Variants in TBC1D22A observed in about 807,000 individuals in gnomAD.
The protein encoded by TBC1D22A is TBC1 domain family member 22A, also known as putative GTPase activator.
TBC1D22A carries 38 observed loss-of-function variants against 60.2 expected under a neutral mutation model. The ratio of observed to expected loss-of-function variants is 0.63; its 90% CI spans 0.49 to 0.83. The LOEUF (loss-of-function observed/expected upper bound fraction) is 0.83. TBC1D22A is among the 40% of genes least tolerant of loss of function. The pLI, the probability that TBC1D22A is intolerant of heterozygous loss-of-function variation, is 0.00. For synonymous variants in TBC1D22A, 302 were observed against 281.7 expected (o/e 1.07, Z -0.72); for missense variants, 628 against 701.0 (o/e 0.90, Z 1.18).
At chr22:47,082,493 A>G (rs2064510945) in intron 11 of TBC1D22A, among the ~76,000 whole-genome samples, 1 of 152,248 alleles carries the variant, frequency 6.6e-6, no homozygotes, top group Non-Finnish European at 1.5e-5. Context: ...ACATCTGACA[A>G]AGTACCCATA....
At chr22:47,148,704 C>T (rs2067381115) in intron 12 of TBC1D22A, among the ~76,000 whole-genome samples, 1 of 150,186 alleles carries the variant, frequency 6.7e-6, no homozygotes, top group Non-Finnish European at 1.5e-5. Context: ...AGTTCCTCTC[C>T]TGGGGTCCCT....
At chr22:46,776,683 C>T (rs1020302310) in intron 1 of TBC1D22A, among the ~76,000 whole-genome samples, 1 of 151,752 alleles carries the variant, frequency 6.6e-6, no homozygotes, top group Non-Finnish European at 1.5e-5. Flanking sequence ...GAACCATGGC[C>T]GTGGGGAGGA....
intron 9 of TBC1D22A, among the ~76,000 whole-genome samples, chr22:46,994,239 C>T (rs8138968): frequency 1.3e-5 from 2 of 151,990 alleles, no homozygotes; most frequent in Non-Finnish European, 2.9e-5. Context: ...TTTCTGCTAA[C>T]TGAGAGCCTA....
At chr22:47,127,290 C>T (rs1222923967) in intron 12 of TBC1D22A, among the ~76,000 whole-genome samples, 3 of 147,010 alleles carry the variant, frequency 2.0e-5, no homozygotes, top group Non-Finnish European at 4.5e-5. Context: ...TGCAGTGACG[C>T]GATCTTGGCT....
intron 1 of TBC1D22A, among the ~76,000 whole-genome samples, chr22:46,781,196 G>GTGCTGGTGT: frequency 6.7e-6 from 1 of 150,056 alleles, no homozygotes; most frequent in Admixed American, 6.7e-5. Context: ...GCAGTTGCTG[G>GTGCTGGTGT]TGCTGGTGTT....
rs1030917905 is a variant in TBC1D22A, at chr22:47,170,900, G to A, written c.1426-2598G>A. On this transcript the variant is annotated intron_variant, in intron 12 of 12. Coordinates refer to ENST00000337137, the MANE Select transcript of TBC1D22A (RefSeq NM_014346.5). The stretch of plus-strand genomic sequence containing the variant: ...TGTGTAACCCTCCTGATGCAGGACC[G>A]GAGAGAGGGCAGTCCTGGTGTGTAA... Among the ~76,000 whole-genome samples the A allele has an allele frequency of 3.3e-5, 5 of 151,672 alleles. 1 individual carries two copies. The highest frequency in any genetic ancestry group is 6.6e-5 in the Admixed American group (1 of 15,258).
At chr22:46,827,472 C>G (rs771193766) in intron 4 of TBC1D22A, among the ~76,000 whole-genome samples, 1 of 152,242 alleles carries the variant, frequency 6.6e-6, no homozygotes, top group African/African-American at 2.4e-5. Context: ...CCCAGAGCCC[C>G]TTCGGAATCT....
intron 8 of TBC1D22A, among the ~76,000 whole-genome samples, chr22:46,961,322 C>T (rs1393228717): frequency 2.0e-5 from 3 of 152,184 alleles, no homozygotes; most frequent in Non-Finnish European, 4.4e-5. Flanking sequence ...TATTTGTCCT[C>T]AGATTCAATT....
chr22:46,910,367 G>C (rs1012683785), intron 7 of TBC1D22A, among the ~76,000 whole-genome samples: 2 of 152,164 alleles, frequency 1.3e-5, no homozygotes, highest in African/African-American at 2.4e-5. Context: ...TGGTGATTTT[G>C]GGGATGGAGC....
chr22:46,859,080 C>T (rs866567035), intron 4 of TBC1D22A, among the ~76,000 whole-genome samples: 5 of 133,086 alleles, frequency 3.8e-5, no homozygotes, highest in South Asian at 2.4e-4. Context: ...GATAGAGGTC[C>T]GCGCAGTGCT....
intron 10 of TBC1D22A, 73 bp from the exon 11 acceptor site, chr22:47,036,998 A>G (rs1603106142): frequency 6.3e-7 from 1 of 1,591,222 alleles, no homozygotes; most frequent in Admixed American, 1.7e-5. Context: ...CCCTTGGGGG[A>G]CAAGTGACCT....
At chr22:47,041,399 T>G (rs2062839385) in intron 11 of TBC1D22A, among the ~76,000 whole-genome samples, 1 of 152,164 alleles carries the variant, frequency 6.6e-6, no homozygotes, top group Non-Finnish European at 1.5e-5. Context: ...CACACCGCAC[T>G]CAGGGTGGAC....
intron 8 of TBC1D22A, among the ~76,000 whole-genome samples, chr22:46,966,399 C>T (rs529119675): frequency 2.6e-5 from 4 of 152,302 alleles, no homozygotes; most frequent in South Asian, 4.1e-4. Context: ...CACATGGGCA[C>T]GGCCTCTCTT....
At chr22:46,980,192 T>A (rs2074459167) in intron 9 of TBC1D22A, among the ~76,000 whole-genome samples, 1 of 152,186 alleles carries the variant, frequency 6.6e-6, no homozygotes, top group Non-Finnish European at 1.5e-5. Context: ...TATTTATATT[T>A]ATTTATTTGA....
rs8138551 is a variant in TBC1D22A at position 46,980,200 on chromosome 22, T to A, written c.1125+5801T>A. On this transcript the variant is annotated intron_variant, in intron 9 of 12. Transcript: ENST00000337137. ...ACAGATTTATTTATATTTATTTATT[T>A]GAGATGGAGTCTCGCTCTGTTGCAC... is the stretch of plus-strand genomic sequence containing the variant. Among the ~76,000 whole-genome samples, 338 of 152,346 alleles carry A rather than the reference T, an allele frequency of 2.2e-3. 1 individual carries two copies. The highest frequency in any genetic ancestry group is 3.9e-3 in the Non-Finnish European group (263 of 68,032).
intron 11 of TBC1D22A, among the ~76,000 whole-genome samples, chr22:47,088,513 A>G (rs748306440): frequency 2.6e-5 from 4 of 152,258 alleles, no homozygotes; most frequent in Non-Finnish European, 5.9e-5. Context: ...AGCCCTTACT[A>G]GTTCACCCGT....
In TBC1D22A at chr22:47,028,957, C is replaced by T. The variant is rs946160353; in HGVS notation, c.1202-8114C>T. ...AGAGCACCCTCACTTCAGACTCCAG[C>T]TGCACCTCAGTGGTCCCCAGGCCAC... On this transcript the variant is annotated intron_variant, in intron 10 of 12. Transcript: ENST00000337137. This position sits in a 1 kb window ranked among gnomAD's most constrained non-coding sequence, Gnocchi z 4.4. 1.3e-5 allele frequency among the ~76,000 whole-genome samples: 2 copies of T among 152,214 alleles called. No individual in the cohort carries two copies. Among genetic ancestry groups the T allele is most frequent in the African/African-American group, 4.8e-5 (2 of 41,460 alleles).
intron 11 of TBC1D22A, among the ~76,000 whole-genome samples, chr22:47,051,342 A>C (rs28438389): frequency 0.18 from 26,939 of 152,204 alleles, 3,712 homozygotes; most frequent in African/African-American, 0.39. Context: ...AATTTTAAAT[A>C]TTTGTAAGAT....
At chr22:47,063,470 G>A (rs912012075) in intron 11 of TBC1D22A, among the ~76,000 whole-genome samples, 13 of 152,198 alleles carry the variant, frequency 8.5e-5, no homozygotes, top group African/African-American at 3.1e-4. Context: ...CGGCGGGGGT[G>A]TGCACCAGGG....
Sources: gnomAD v4.1 joint callset for allele counts (sites outside exome capture counted in the v4.1 genomes callset) on GRCh38, gnomAD v4.1.1 for gene constraint, Gnocchi (gnomAD v3.1) non-coding constraint, MANE v1.5 for transcripts, NCBI Gene and HGNC (gene_info 2026-07-23, HGNC 2026-07-21) for gene names.